Variants in ZCCHC7 observed in about 807,000 individuals in gnomAD.
ZCCHC7 encodes the protein zinc finger CCHC-type containing 7.
ZCCHC7 carries 35 observed loss-of-function variants against 52.0 expected under a neutral mutation model. The ratio of observed to expected loss-of-function variants is 0.67; its 90% CI spans 0.51 to 0.89. The LOEUF is 0.89. Ranked by LOEUF, ZCCHC7 falls within the 40% of genes least tolerant of loss-of-function variation. The pLI is 0.00. For missense variants in ZCCHC7, 574 were observed against 649.1 expected (o/e 0.88, Z 1.26); for synonymous variants, 217 against 221.5 (o/e 0.98, Z 0.18).
chr9:37,302,340 T>A (rs1033942734), intron 3 of ZCCHC7, 109 bp downstream of exon 3: 2 of 929,792 alleles, frequency 2.2e-6, no homozygotes, highest in Non-Finnish European at 3.3e-6. Context: ...TAAGAAAACA[T>A]TTGATTTTAG....
rs145732804 is a variant in ZCCHC7, at chr9:37,185,050, C to T, written c.610+58108C>T. On this transcript the variant is annotated intron_variant, in intron 2 of 8. Transcript: ENST00000336755. ...GGAACTTGCTGAGATCTTTTTTTTTCCTTAACATGTTGTCCCCTTGACCCG... is the reference window on the plus strand; with the variant it reads ...GGAACTTGCTGAGATCTTTTTTTTTTCTTAACATGTTGTCCCCTTGACCCG... 6.3e-3 allele frequency among the ~76,000 whole-genome samples: 958 copies of T among 151,158 alleles called. 4 individuals are homozygous for T. Among genetic ancestry groups the T allele is most frequent in the African/African-American group, 0.022 (898 of 41,292 alleles).
intron 5 of ZCCHC7, among the ~76,000 whole-genome samples, chr9:37,306,269 A>T (rs2133719586): frequency 6.6e-6 from 1 of 151,300 alleles, no homozygotes; most frequent in Admixed American, 6.6e-5. Context: ...GGGTTTCACC[A>T]TGTTGGCCAT....
At chr9:37,315,582 A>G (rs1378925692) in intron 5 of ZCCHC7, among the ~76,000 whole-genome samples, 5 of 151,976 alleles carry the variant, frequency 3.3e-5, no homozygotes, top group Non-Finnish European at 7.4e-5. Context: ...CCAGAAAAAT[A>G]TACATCCTAA....
chr9:37,208,542 T>C (rs1362995770), intron 2 of ZCCHC7, among the ~76,000 whole-genome samples: 5 of 152,228 alleles, frequency 3.3e-5, no homozygotes, highest in African/African-American at 9.7e-5. Flanking sequence ...ATAGGTAATG[T>C]GTAACAGATC....
intron 2 of ZCCHC7, among the ~76,000 whole-genome samples, chr9:37,148,494 C>G (rs543631093): frequency 6.6e-6 from 1 of 152,216 alleles, no homozygotes; most frequent in African/African-American, 2.4e-5. Context: ...GTTCCTCATT[C>G]TCCTAGGGTC....
chr9:37,120,563 C>T (rs892999212), upstream of ZCCHC7: 2 of 399,338 alleles, frequency 5.0e-6, no homozygotes, highest in South Asian at 1.3e-4. Context: ...TGTCCTCGCC[C>T]CTCCCCGTCC....
At chr9:37,344,900 A>G (rs1405491953) in intron 6 of ZCCHC7, among the ~76,000 whole-genome samples, 1 of 152,168 alleles carries the variant, frequency 6.6e-6, no homozygotes, top group Non-Finnish European at 1.5e-5. Flanking sequence ...CACTCATGCC[A>G]TGGGCCCAGC....
chr9:37,326,493 T>C, intron 5 of ZCCHC7, among the ~76,000 whole-genome samples: 1 of 136,688 alleles, frequency 7.3e-6, no homozygotes, highest in African/African-American at 3.6e-5. Flanking sequence ...GACTGCTTTC[T>C]ATAGGAGCAG....
At chr9:37,143,131 T>C (rs913363797) in intron 2 of ZCCHC7, among the ~76,000 whole-genome samples, 1 of 151,814 alleles carries the variant, frequency 6.6e-6, no homozygotes, top group Admixed American at 6.6e-5. Context: ...TCATGATTGC[T>C]TGATGCCTTT....
In ZCCHC7 at chr9:37,354,155, G is replaced by A. The variant is rs1176612528; in HGVS notation, c.1084-555G>A. Among the ~76,000 whole-genome samples, 1 of 152,046 alleles carries A rather than the reference G, an allele frequency of 6.6e-6. No individual in the cohort carries two copies. Among genetic ancestry groups the A allele is most frequent in the Non-Finnish European group, 1.5e-5 (1 of 68,014 alleles). ...ATTACCTAGGAACAATTTTAAACTAGGCATAACCTACCACCAACCTACCCC... is the reference window on the plus strand; with the variant it reads ...ATTACCTAGGAACAATTTTAAACTAAGCATAACCTACCACCAACCTACCCC... On this transcript the variant is annotated intron_variant, in intron 7 of 8. Coordinates refer to ENST00000336755, the MANE Select transcript of ZCCHC7 (RefSeq NM_032226.3). The surrounding 1 kb of genome is among the most constrained non-coding windows in gnomAD (Gnocchi z 4.0).
chr9:37,212,059 A>AG (rs1824263200), intron 2 of ZCCHC7, among the ~76,000 whole-genome samples: 20 of 145,574 alleles, frequency 1.4e-4, no homozygotes, highest in African/African-American at 5.1e-4. Context: ...AAAAAAAAAA[A>AG]AAAAAAGAAA....
intron 2 of ZCCHC7, among the ~76,000 whole-genome samples, chr9:37,133,065 C>T (rs1320681093): frequency 2.0e-5 from 3 of 152,102 alleles, no homozygotes; most frequent in African/African-American, 4.8e-5. Context: ...ACCTGGGAGA[C>T]GGAGGTTGCA....
At chr9:37,206,352 C>CGCCTTCACCTTT (rs1823914309) in intron 2 of ZCCHC7, among the ~76,000 whole-genome samples, 1 of 150,958 alleles carries the variant, frequency 6.6e-6, no homozygotes, top group South Asian at 2.1e-4. Context: ...TCTTCCCTCC[C>CGCCTTCACCTTT]GCCTTCACCT....
chr9:37,156,220 A>G (rs1304414885), intron 2 of ZCCHC7, among the ~76,000 whole-genome samples: 1 of 152,214 alleles, frequency 6.6e-6, no homozygotes, highest in Non-Finnish European at 1.5e-5. Flanking sequence ...TTTTGTGAAC[A>G]TTTATTTGAA....
intron 6 of ZCCHC7, among the ~76,000 whole-genome samples, chr9:37,328,681 G>A (rs1253804095): frequency 6.6e-6 from 1 of 151,834 alleles, no homozygotes. Flanking sequence ...ACAAAGACAG[G>A]TTGTAAAAAT....
At chr9:37,285,615 T>C (rs1828170681) in intron 2 of ZCCHC7, among the ~76,000 whole-genome samples, 1 of 152,198 alleles carries the variant, frequency 6.6e-6, no homozygotes, top group Admixed American at 6.5e-5. Flanking sequence ...AATTTATATT[T>C]ATCCTGCTAG....
At position 37,305,528 on chromosome 9, in the gene ZCCHC7, T is replaced by G; in HGVS notation, c.781-16T>G. ...TTTTGAGACTGAAGAGATTTTATGT[T>G]TTTTTCGCCACATAGAAAGTTCGTC... On this transcript the variant is annotated splice_polypyrimidine_tract_variant and intron_variant, in intron 4 of 8. Coordinates refer to ENST00000336755, the MANE Select transcript of ZCCHC7 (RefSeq NM_032226.3). 1 of 1,612,524 alleles carries G rather than the reference T, an allele frequency of 6.2e-7. No homozygotes were observed. The highest frequency in any genetic ancestry group is 8.5e-7 in the Non-Finnish European group (1 of 1,179,560).
At chr9:37,209,337 G>T (rs932149318) in intron 2 of ZCCHC7, among the ~76,000 whole-genome samples, 5 of 152,070 alleles carry the variant, frequency 3.3e-5, no homozygotes, top group Non-Finnish European at 7.4e-5. Flanking sequence ...ACCACGCCTG[G>T]CCATTTTTTT....
At chr9:37,179,246 A>G (rs1389687357) in intron 2 of ZCCHC7, among the ~76,000 whole-genome samples, 2 of 152,080 alleles carry the variant, frequency 1.3e-5, no homozygotes, top group African/African-American at 4.8e-5. Flanking sequence ...ATAAAATATG[A>G]TCGATTTATA....
Sources: gnomAD v4.1 joint callset for allele counts (sites outside exome capture counted in the v4.1 genomes callset) on GRCh38, gnomAD v4.1.1 for gene constraint, Gnocchi (gnomAD v3.1) non-coding constraint, MANE v1.5 for transcripts, NCBI Gene and HGNC (gene_info 2026-07-23, HGNC 2026-07-21) for gene names.